The following ACYP2 variants were observed in gnomAD, a reference collection of about 807,000 sequenced individuals.
The protein encoded by ACYP2 is acylphosphatase-2.
Under a neutral mutation model 11.2 loss-of-function variants are expected in ACYP2, and 12 were observed. The ratio of observed to expected loss-of-function variants is 1.08; its 90% CI spans 0.69 to 1.74. The LOEUF (loss-of-function observed/expected upper bound fraction) is 1.74, where lower values mean the gene tolerates loss of function less well. ACYP2 is among the 40% of genes most tolerant of loss of function. The pLI is 0.00. For synonymous variants in ACYP2, 43 were observed against 32.2 expected, an observed-to-expected ratio of 1.33 and a Z score of -1.13; for missense variants, 134 against 101.9, an observed-to-expected ratio of 1.31 and a Z score of -1.35.
intron 6 of ACYP2, among the ~76,000 whole-genome samples, chr2:54,245,205 C>G (rs545030430): frequency 1.3e-5 from 2 of 152,242 alleles, no homozygotes; most frequent in East Asian, 3.9e-4. Context: ...GCAGGAATCA[C>G]AGGATTTCAT....
chr2:53,994,066 C>T (rs1401589663), intron 2 of ACYP2, among the ~76,000 whole-genome samples: 2 of 152,068 alleles, frequency 1.3e-5, no homozygotes, highest in Admixed American at 1.3e-4. Flanking sequence ...CGTAGTGGCT[C>T]ACGCCTGTAA....
intron 2 of ACYP2, among the ~76,000 whole-genome samples, chr2:53,983,916 GAA>G (rs1429395134): frequency 1.3e-5 from 2 of 152,200 alleles, no homozygotes; most frequent in Non-Finnish European, 2.9e-5. Context: ...ATCATGGCAA[GAA>G]AAGAGACAAG....
chr2:54,292,046 TA>T (rs905704978), intron 6 of ACYP2, among the ~76,000 whole-genome samples: 151 of 152,326 alleles, frequency 9.9e-4, no homozygotes, highest in African/African-American at 3.6e-3. Context: ...TTTTTAATTT[TA>T]TTTGAATGTA....
intron 6 of ACYP2, among the ~76,000 whole-genome samples, chr2:54,220,080 G>A (rs1303334731): frequency 6.6e-6 from 1 of 151,242 alleles, no homozygotes; most frequent in South Asian, 2.1e-4. Context: ...TGATTCTAAG[G>A]GGTCCAATAC....
chr2:54,100,606 C>T (rs1286673998), intron 4 of ACYP2, among the ~76,000 whole-genome samples: 1 of 151,972 alleles, frequency 6.6e-6, no homozygotes, highest in Non-Finnish European at 1.5e-5. Flanking sequence ...ACCACACCCA[C>T]CCGAGATCCT....
At chr2:54,219,564 G>A (rs1011275187) in intron 6 of ACYP2, among the ~76,000 whole-genome samples, 4 of 152,046 alleles carry the variant, frequency 2.6e-5, no homozygotes, top group African/African-American at 7.2e-5. Context: ...TAGTTCATTC[G>A]AATTAATTAA....
chr2:54,070,345 C>A (rs1479415159), intron 4 of ACYP2, among the ~76,000 whole-genome samples: 2 of 150,968 alleles, frequency 1.3e-5, no homozygotes, highest in Non-Finnish European at 2.9e-5. Flanking sequence ...TCATAATTGA[C>A]AAAATGGCTT....
At chr2:54,155,480 A>T (rs1485445335) in intron 6 of ACYP2, among the ~76,000 whole-genome samples, 2 of 152,312 alleles carry the variant, frequency 1.3e-5, no homozygotes, top group South Asian at 4.1e-4. Context: ...GAGTGGCAGT[A>T]CCACCTGAGC....
intron 6 of ACYP2, among the ~76,000 whole-genome samples, chr2:54,170,685 T>A (rs981313649): frequency 6.6e-6 from 1 of 152,006 alleles, no homozygotes; most frequent in Non-Finnish European, 1.5e-5. Context: ...GACTTTGGGA[T>A]TGTAATATGA....
chr2:54,058,531 G>C (rs961105250), intron 4 of ACYP2, among the ~76,000 whole-genome samples: 1 of 151,998 alleles, frequency 6.6e-6, no homozygotes, highest in East Asian at 1.9e-4. Flanking sequence ...TCAATATCGA[G>C]TATTTACATT....
At chr2:54,040,404 G>A (rs1445921926) in intron 2 of ACYP2, among the ~76,000 whole-genome samples, 1 of 152,090 alleles carries the variant, frequency 6.6e-6, no homozygotes, top group African/African-American at 2.4e-5. Context: ...TGAATCTGGG[G>A]TATAGGGGAG....
At chr2:54,005,343 T>C (rs1358390965) in intron 2 of ACYP2, among the ~76,000 whole-genome samples, 1 of 52,948 alleles carries the variant, frequency 1.9e-5, no homozygotes, top group Non-Finnish European at 3.7e-5. Context: ...TGAAAGTCTA[T>C]TTTTTTTTTT....
intron 1 of ACYP2, among the ~76,000 whole-genome samples, chr2:53,972,205 G>T: frequency 6.6e-6 from 1 of 151,168 alleles, no homozygotes. Context: ...AGCTACTCGG[G>T]AGGCTGAGGC....
In ACYP2 at chr2:54,243,723, C is replaced by A. The variant is rs146104625; in HGVS notation, c.405-60965C>A. Among the ~76,000 whole-genome samples, 74 of 152,202 alleles carry A rather than the reference C, an allele frequency of 4.9e-4. 1 individual carries two copies. The highest frequency in any genetic ancestry group is 1.8e-3 in the African/African-American group (73 of 41,536). On this transcript the variant is annotated intron_variant, in intron 6 of 6. Transcript: ENST00000607452. Reference sequence around the variant, plus strand: ...TACCTGGGATTACAGATGCATGCCACCACGGCTGGTTAATTTTTGTATCTT... The same window carrying A: ...TACCTGGGATTACAGATGCATGCCAACACGGCTGGTTAATTTTTGTATCTT...
chr2:54,037,901 A>G (rs967967449), intron 2 of ACYP2, among the ~76,000 whole-genome samples: 1 of 152,168 alleles, frequency 6.6e-6, no homozygotes, highest in Admixed American at 6.5e-5. Context: ...TTCTTTCAGG[A>G]ATGTGAAGGT....
At chr2:54,184,217 C>G (rs1207013967) in intron 6 of ACYP2, among the ~76,000 whole-genome samples, 1 of 152,096 alleles carries the variant, frequency 6.6e-6, no homozygotes, top group Non-Finnish European at 1.5e-5. Context: ...ATTTTGAGAA[C>G]TCAGGGCCAG....
chr2:54,063,972 G>T (rs1015688942), intron 4 of ACYP2, among the ~76,000 whole-genome samples: 2 of 152,150 alleles, frequency 1.3e-5, no homozygotes, highest in Non-Finnish European at 2.9e-5. Context: ...GGAGGCAAAG[G>T]TTTATAGGAT....
intron 6 of ACYP2, among the ~76,000 whole-genome samples, chr2:54,154,961 A>G (rs1682365171): frequency 6.6e-6 from 1 of 152,178 alleles, no homozygotes; most frequent in South Asian, 2.1e-4. Context: ...CAATTCAATT[A>G]TTATTGGTCT....
chr2:53,998,239 T>C (rs1162374445), intron 2 of ACYP2, among the ~76,000 whole-genome samples: 1 of 152,138 alleles, frequency 6.6e-6, no homozygotes, highest in Non-Finnish European at 1.5e-5. Flanking sequence ...CAGAAGCCCA[T>C]GTCCCCAGGA....
Sources: allele counts gnomAD v4.1 joint callset (sites outside exome capture counted in the v4.1 genomes callset), GRCh38; gene constraint gnomAD v4.1.1; transcripts MANE v1.5; gene names NCBI Gene and HGNC (gene_info 2026-07-23, HGNC 2026-07-21).